The following LRRC4C variants were observed in gnomAD, a reference collection of about 807,000 sequenced individuals.
The protein encoded by LRRC4C is leucine-rich repeat-containing protein 4C.
A neutral mutation model predicts 33.6 loss-of-function variants in LRRC4C; 5 were observed. The ratio of observed to expected loss-of-function variants is 0.15; its 90% CI spans 0.08 to 0.31. The LOEUF (loss-of-function observed/expected upper bound fraction) is 0.31, where lower values mean the gene tolerates loss of function less well. Ranked by LOEUF, LRRC4C falls within the 10% of genes least tolerant of loss-of-function variation. The pLI, the probability that LRRC4C is intolerant of heterozygous loss-of-function variation, is 1.00. For missense variants in LRRC4C, 560 were observed against 796.7 expected (o/e 0.70, Z 3.58); for synonymous variants, 329 against 302.0 (o/e 1.09, Z -0.93).
In LRRC4C at chr11:40,615,238, T is replaced by TTATA. The variant is rs756021420; in HGVS notation, c.-270+32900_-270+32903dup. The stretch of plus-strand genomic sequence containing the variant: ...CAATCACTCGATGCATTGATTTATT[T>TTATA]TATATATATATATATATATATATAT... On this transcript the variant is annotated intron_variant, in intron 3 of 6. Coordinates refer to ENST00000528697, the MANE Select transcript of LRRC4C (RefSeq NM_001258419.2). Among the ~76,000 whole-genome samples the TTATA allele has an allele frequency of 6.8e-3, 595 of 88,108 alleles. 10 individuals carry two copies. The highest frequency in any genetic ancestry group is 0.012 in the East Asian group (46 of 3,836). The allele number at this position is 88,108 out of a possible 152,430, so 57.8% of individuals were successfully genotyped here.
chr11:40,298,056 G>C (rs965251928), intron 4 of LRRC4C, among the ~76,000 whole-genome samples: 1 of 152,140 alleles, frequency 6.6e-6, no homozygotes, highest in Non-Finnish European at 1.5e-5. Flanking sequence ...AAACGTCTAA[G>C]ATAATGCTCT....
intron 1 of LRRC4C, among the ~76,000 whole-genome samples, chr11:41,403,849 C>T (rs1565645561): frequency 1.3e-5 from 2 of 152,020 alleles, no homozygotes; most frequent in African/African-American, 2.4e-5. Flanking sequence ...TAGAGACTTT[C>T]AAGAAATTAG....
intron 2 of LRRC4C, among the ~76,000 whole-genome samples, chr11:40,772,901 C>T (rs553775535): frequency 2.1e-4 from 32 of 152,236 alleles, no homozygotes; most frequent in Middle Eastern, 3.4e-3. Flanking sequence ...TCTGCACTCC[C>T]GTGTTTACTG....
chr11:40,979,812 T>A (rs536951866), intron 1 of LRRC4C, among the ~76,000 whole-genome samples: 2 of 152,308 alleles, frequency 1.3e-5, no homozygotes, highest in East Asian at 1.9e-4. Context: ...TTTTCAAATA[T>A]CCATCCAACT....
At chr11:40,966,222 AAG>A (rs1851353918) in intron 1 of LRRC4C, among the ~76,000 whole-genome samples, 1 of 151,996 alleles carries the variant, frequency 6.6e-6, no homozygotes, top group Non-Finnish European at 1.5e-5. Context: ...CATGTCATGA[AAG>A]AATAGGTACA....
At chr11:40,612,659 T>C (rs943938615) in intron 3 of LRRC4C, among the ~76,000 whole-genome samples, 4 of 151,932 alleles carry the variant, frequency 2.6e-5, no homozygotes, top group Non-Finnish European at 5.9e-5. Context: ...TTTTTAAAGA[T>C]TCGTGGTCTG....
chr11:41,360,948 T>C (rs972986967), intron 1 of LRRC4C, among the ~76,000 whole-genome samples: 32 of 152,244 alleles, frequency 2.1e-4, no homozygotes, highest in African/African-American at 7.7e-4. Context: ...ACCGTAATGC[T>C]AGGCATCATG....
intron 6 of LRRC4C, among the ~76,000 whole-genome samples, chr11:40,117,789 G>A (rs1397065753): frequency 2.0e-5 from 3 of 151,874 alleles, no homozygotes; most frequent in Non-Finnish European, 4.4e-5. Flanking sequence ...GTCACCTTGA[G>A]CAAGTTACTT....
At chr11:41,192,870 T>C (rs967893231) in intron 1 of LRRC4C, among the ~76,000 whole-genome samples, 2 of 152,244 alleles carry the variant, frequency 1.3e-5, no homozygotes, top group South Asian at 2.1e-4. Flanking sequence ...CATCTTCTTC[T>C]GATCAAGAGG....
chr11:41,171,905 C>G (rs1478104754), intron 1 of LRRC4C, among the ~76,000 whole-genome samples: 1 of 151,888 alleles, frequency 6.6e-6, no homozygotes, highest in East Asian at 2.0e-4. Context: ...AGGCCAGCTG[C>G]TGGGAAAAAC....
At chr11:40,144,919 A>T in intron 5 of LRRC4C, among the ~76,000 whole-genome samples, 1 of 152,164 alleles carries the variant, frequency 6.6e-6, no homozygotes, top group South Asian at 2.1e-4. Context: ...GTGTTCCTTT[A>T]ACACATTGCA....
chr11:40,910,830 A>T (rs973116193), intron 2 of LRRC4C, among the ~76,000 whole-genome samples: 3 of 152,184 alleles, frequency 2.0e-5, no homozygotes, highest in Admixed American at 1.3e-4. Flanking sequence ...CACCTGGAAA[A>T]TCAGGTCACT....
At chr11:40,285,381 C>T (rs915024576) in intron 4 of LRRC4C, among the ~76,000 whole-genome samples, 2 of 152,116 alleles carry the variant, frequency 1.3e-5, no homozygotes, top group Non-Finnish European at 2.9e-5. Context: ...GTGATGGGAT[C>T]GTATTACAGA....
intron 2 of LRRC4C, among the ~76,000 whole-genome samples, chr11:40,905,847 G>T (rs187204695): frequency 1.3e-5 from 2 of 152,284 alleles, no homozygotes; most frequent in East Asian, 1.9e-4. Flanking sequence ...AAAGGATTTA[G>T]AATATTACAT....
intron 3 of LRRC4C, among the ~76,000 whole-genome samples, chr11:40,553,682 T>C (rs181484094): frequency 2.9e-4 from 44 of 152,338 alleles, no homozygotes; most frequent in African/African-American, 1.0e-3. Context: ...ATTAGTGATG[T>C]TGAGAATTTT....
At chr11:40,834,221 C>A (rs1316316941) in intron 2 of LRRC4C, among the ~76,000 whole-genome samples, 2 of 152,014 alleles carry the variant, frequency 1.3e-5, no homozygotes, top group Admixed American at 1.3e-4. Context: ...TGCCTGTAAT[C>A]CCAGCACTTT....
intron 1 of LRRC4C, among the ~76,000 whole-genome samples, chr11:41,023,621 G>T (rs1041706193): frequency 6.6e-6 from 1 of 151,748 alleles, no homozygotes; most frequent in Non-Finnish European, 1.5e-5. Flanking sequence ...GGAGAAGAGA[G>T]CCAGGAGAAT....
At chr11:40,443,533 C>T (rs964695736) in intron 3 of LRRC4C, among the ~76,000 whole-genome samples, 1 of 152,104 alleles carries the variant, frequency 6.6e-6, no homozygotes, top group Non-Finnish European at 1.5e-5. Context: ...AGATTCCACT[C>T]TATGTCAAAA....
intron 1 of LRRC4C, among the ~76,000 whole-genome samples, chr11:41,242,275 C>G (rs1477735997): frequency 6.6e-6 from 1 of 152,064 alleles, no homozygotes; most frequent in South Asian, 2.1e-4. Context: ...GGGACAACCA[C>G]GTTTTCAAAG....
Sources: gnomAD v4.1 joint callset for allele counts (sites outside exome capture counted in the v4.1 genomes callset) on GRCh38, gnomAD v4.1.1 for gene constraint, MANE v1.5 for transcripts, NCBI Gene and HGNC (gene_info 2026-07-23, HGNC 2026-07-21) for gene names.